Variants in ERBIN observed in about 807,000 individuals in gnomAD.
The protein encoded by ERBIN is densin-180-like protein.
A neutral mutation model predicts 158.4 loss-of-function variants in ERBIN; 60 were observed. The ratio of observed to expected loss-of-function variants is 0.38; its 90% CI spans 0.31 to 0.47. ERBIN has a LOEUF of 0.47. ERBIN is among the 20% of genes least tolerant of loss of function. The probability of loss-of-function intolerance (pLI) is 0.99; values close to 1 mark genes in which losing one functional copy is unlikely to be tolerated. For synonymous variants in ERBIN, 594 were observed against 557.2 expected, an observed-to-expected ratio of 1.07 and a Z score of -0.93; for missense variants, 1,610 against 1,648.0, an observed-to-expected ratio of 0.98 and a Z score of 0.40.
In ERBIN at chr5:65,973,480, A is replaced by G. The variant is rs1749503362; in HGVS notation, c.-57-15155A>G. ...TCCAGATTAATTTGCATTTTAATAG[A>G]GGATGTATGAAGAGGGACCGGAAGA... On this transcript the variant is annotated intron_variant, in intron 1 of 25. Coordinates refer to ENST00000284037, the MANE Select transcript of ERBIN (RefSeq NM_001253697.2). Among the ~76,000 whole-genome samples the G allele has an allele frequency of 2.0e-5, 3 of 151,366 alleles. 1 individual carries two copies. The highest frequency in any genetic ancestry group is 2.0e-4 in the Admixed American group (3 of 15,254).
At chr5:66,025,439 T>C in intron 10 of ERBIN, 41 bp from the exon 11 acceptor site, 2 of 1,497,758 alleles carry the variant, frequency 1.3e-6, no homozygotes, top group African/African-American at 1.4e-5. Flanking sequence ...CTTGCTTCTA[T>C]TTTAAGCTGA....
intron 2 of ERBIN, among the ~76,000 whole-genome samples, chr5:65,990,034 T>C (rs1751692762): frequency 6.6e-6 from 1 of 152,260 alleles, no homozygotes; most frequent in Non-Finnish European, 1.5e-5. Flanking sequence ...TATGCCTTAA[T>C]ATAAACAAAG....
At chr5:65,994,475 A>T (rs1004106336) in intron 3 of ERBIN, among the ~76,000 whole-genome samples, 1 of 151,978 alleles carries the variant, frequency 6.6e-6, no homozygotes, top group African/African-American at 2.4e-5. Flanking sequence ...GTAGCCACTT[A>T]TTTTTTTTAC....
chr5:66,051,660 G>A (rs760874806), intron 20 of ERBIN, among the ~76,000 whole-genome samples: 5 of 152,148 alleles, frequency 3.3e-5, no homozygotes, highest in African/African-American at 4.8e-5. Flanking sequence ...AGGAGGCTGC[G>A]GCAGGTGGAT....
At chr5:65,961,630 G>A (rs940830166) in intron 1 of ERBIN, among the ~76,000 whole-genome samples, 2 of 152,170 alleles carry the variant, frequency 1.3e-5, no homozygotes, top group Non-Finnish European at 2.9e-5. Context: ...GGGGTTGGGA[G>A]TCTAATAAAG....
rs1418088130 is a variant in ERBIN at position 66,028,473 on chromosome 5, GAA to G, written c.1206+134_1206+135del. ...ACATGTAAACATATCTTTTATATAA[GAA>G]AAATCTCAAAATATTTAGAAGCAGA... On this transcript the variant is annotated intron_variant, in intron 14 of 25. Coordinates refer to ENST00000284037, the MANE Select transcript of ERBIN (RefSeq NM_001253697.2). 5.5e-5 allele frequency: 27 copies of G among 494,336 alleles called. No individual in the cohort carries two copies. The South Asian group carries it at 6.0e-4, about 11-fold the overall frequency. 30.6% of individuals were successfully genotyped at this position (494,336 alleles called of 1,614,324 possible). A position where few individuals can be genotyped will look rare whatever the true frequency, so the allele number is the denominator to read the frequency against.
chr5:65,941,215 A>T (rs1297486197), intron 1 of ERBIN, among the ~76,000 whole-genome samples: 1 of 151,816 alleles, frequency 6.6e-6, no homozygotes, highest in Non-Finnish European at 1.5e-5. Flanking sequence ...TGAAAACCAG[A>T]GACCTTTGTT....
In ERBIN at chr5:66,043,137, A is replaced by G; in HGVS notation, c.1367A>G (p.Gln456Arg). The stretch of plus-strand genomic sequence containing the variant: ...TCATTGTGGGAGGAACAGAGGAAAC[A>G]GCGGGCTCAAGTTGCATTTGAATGT... Reference protein sequence around the residue: ...NPSLWEEQRKQRAQVAFECDE... With the variant: ...NPSLWEEQRKRRAQVAFECDE... Residue 456 changes from glutamine to arginine, a missense_variant, in exon 16 of 26, where the codon CAG (glutamine) becomes CGG (arginine). Gln to Arg is a conservative substitution (Grantham distance 43). This residue lies in a region of ERBIN where 596 missense variants were observed against 711.9 expected (regional missense o/e 0.84). Transcript: ENST00000284037. 1 of 1,613,066 alleles carries G rather than the reference A, an allele frequency of 6.2e-7. No individual in the cohort carries two copies. Among genetic ancestry groups the G allele is most frequent in the Admixed American group, 1.7e-5 (1 of 60,006 alleles).
intron 17 of ERBIN, among the ~76,000 whole-genome samples, chr5:66,045,042 A>G (rs1758291138): frequency 6.6e-6 from 1 of 151,800 alleles, no homozygotes; most frequent in African/African-American, 2.4e-5. Context: ...TAGCAAGACA[A>G]CCTGTCTCTA....
At chr5:66,062,233 G>A (rs1223708534) in intron 21 of ERBIN, among the ~76,000 whole-genome samples, 5 of 152,152 alleles carry the variant, frequency 3.3e-5, no homozygotes, top group African/African-American at 1.2e-4. Context: ...TGGAGGCTTT[G>A]TTCGTTTCTT....
At chr5:66,055,563 A>G (rs1041536578) in intron 21 of ERBIN, among the ~76,000 whole-genome samples, 2 of 152,134 alleles carry the variant, frequency 1.3e-5, no homozygotes, top group African/African-American at 4.8e-5. Flanking sequence ...TTATAATTTT[A>G]TGTGTAGATG....
At chr5:65,975,449 G>A (rs1256064254) in intron 1 of ERBIN, among the ~76,000 whole-genome samples, 1 of 152,078 alleles carries the variant, frequency 6.6e-6, no homozygotes, top group African/African-American at 2.4e-5. Context: ...GGAATTATGG[G>A]TGCCCGGCAT....
chr5:65,946,193 C>G (rs59844234), intron 1 of ERBIN, among the ~76,000 whole-genome samples: 1 of 151,904 alleles, frequency 6.6e-6, no homozygotes, highest in Non-Finnish European at 1.5e-5. Flanking sequence ...GATGAAACAT[C>G]GTCTCTACAA....
At chr5:66,039,448 C>A (rs762055704) in intron 15 of ERBIN, among the ~76,000 whole-genome samples, 1 of 151,840 alleles carries the variant, frequency 6.6e-6, no homozygotes, top group Non-Finnish European at 1.5e-5. Context: ...ACCCTTACTT[C>A]CTATTTTCCA....
intron 4 of ERBIN, among the ~76,000 whole-genome samples, chr5:66,008,596 A>G (rs1753868055): frequency 6.6e-6 from 1 of 152,184 alleles, no homozygotes; most frequent in Admixed American, 6.5e-5. Context: ...AGTAGAACAT[A>G]TTATATAGTC....
chr5:66,021,153 C>G (rs1348745765), intron 7 of ERBIN, among the ~76,000 whole-genome samples, 169 bp from the exon 8 acceptor site: 6 of 138,738 alleles, frequency 4.3e-5, no homozygotes, highest in Non-Finnish European at 9.5e-5. Context: ...ATTATTTTAT[C>G]TAGAAATCTG....
At chr5:65,950,440 G>T (rs1047325155) in intron 1 of ERBIN, among the ~76,000 whole-genome samples, 12 of 152,080 alleles carry the variant, frequency 7.9e-5, no homozygotes, top group Non-Finnish European at 1.5e-4. Flanking sequence ...ATGTTAGATT[G>T]TGGATATTTA....
chr5:65,961,476 A>T (rs1225997742), intron 1 of ERBIN, among the ~76,000 whole-genome samples: 1 of 152,222 alleles, frequency 6.6e-6, no homozygotes, highest in Non-Finnish European at 1.5e-5. Context: ...AAGAGTTTGG[A>T]TAAGAGATTG....
At chr5:66,018,361 T>C (rs1482624991) in intron 7 of ERBIN, among the ~76,000 whole-genome samples, 1 of 132,890 alleles carries the variant, frequency 7.5e-6, no homozygotes, top group Non-Finnish European at 1.6e-5. Context: ...TTATAGTTTT[T>C]CTTGTATAGA....
Sources: gnomAD v4.1 joint callset for allele counts (sites outside exome capture counted in the v4.1 genomes callset) on GRCh38, gnomAD v4.1.1 for gene constraint, gnomAD v4.1.1 regional missense constraint, MANE v1.5 for transcripts, NCBI Gene and HGNC (gene_info 2026-07-23, HGNC 2026-07-21) for gene names.